SPATA13: variants seen among roughly 807,000 people sequenced by gnomAD.
SPATA13 encodes spermatogenesis-associated protein 13.
SPATA13 carries 50 observed loss-of-function variants against 104.0 expected under a neutral mutation model. The observed-to-expected ratio is 0.48, with a 90% CI of 0.38 to 0.61. SPATA13 has a LOEUF of 0.61. Among genes scored for constraint, SPATA13 ranks in the 20% least tolerant of loss-of-function variants. The pLI is 0.00. For synonymous variants in SPATA13, 606 were observed against 667.5 expected, an observed-to-expected ratio of 0.91 and a Z score of 1.42; for missense variants, 1,524 against 1,690.6, an observed-to-expected ratio of 0.90 and a Z score of 1.73.
intron 1 of SPATA13, among the ~76,000 whole-genome samples, chr13:24,208,895 G>A (rs1870860315): frequency 6.6e-6 from 1 of 152,200 alleles, no homozygotes; most frequent in Non-Finnish European, 1.5e-5. Context: ...TTATACTGAA[G>A]ATCGGATATT....
intron 5 of SPATA13, among the ~76,000 whole-genome samples, chr13:24,285,009 T>C (rs563888011): frequency 2.6e-5 from 4 of 151,194 alleles, no homozygotes; most frequent in Admixed American, 2.6e-4. Context: ...CAGCTTTAGC[T>C]TTTTTTTTAG....
At chr13:24,257,376 CT>C (rs1345577867) in intron 4 of SPATA13, among the ~76,000 whole-genome samples, 1 of 152,178 alleles carries the variant, frequency 6.6e-6, no homozygotes, top group East Asian at 1.9e-4. Flanking sequence ...GATACCTGGT[CT>C]GTTACATTTC....
chr13:24,114,470 C>A (rs751856232), intron 3 of SPATA13, among the ~76,000 whole-genome samples: 5 of 151,146 alleles, frequency 3.3e-5, no homozygotes, highest in African/African-American at 4.9e-5. Context: ...AGAGAGCTGG[C>A]CAGCACACAC....
chr13:24,120,192 G>A (rs1260120268), intron 3 of SPATA13, among the ~76,000 whole-genome samples: 6 of 151,398 alleles, frequency 4.0e-5, no homozygotes, highest in South Asian at 2.1e-4. Context: ...TTCTGTTTCC[G>A]CCTCTGAAAA....
At chr13:24,122,101 A>G in intron 3 of SPATA13, 1 of 1,611,982 alleles carries the variant, frequency 6.2e-7, no homozygotes, top group Middle Eastern at 1.7e-4. Flanking sequence ...CAAAATTGAA[A>G]GAACTTGGCA....
rs149031108 is a variant in SPATA13 at position 24,251,265 on chromosome 13, G to A, written c.2020-453G>A. On this transcript the variant is annotated intron_variant, in intron 3 of 12. Coordinates refer to ENST00000382108, the MANE Select transcript of SPATA13 (RefSeq NM_001166271.3). Reference sequence around the variant, plus strand: ...CCAGGCTCTGTGTCGGTGGGGAGGAGTAAATGAGGCTGAAGAAGGATGTGA... The same window carrying A: ...CCAGGCTCTGTGTCGGTGGGGAGGAATAAATGAGGCTGAAGAAGGATGTGA... Among the ~76,000 whole-genome samples the A allele has an allele frequency of 5.1e-3, 782 of 152,292 alleles. 7 individuals are homozygous for A. Among genetic ancestry groups the A allele is most frequent in the African/African-American group, 0.016 (680 of 41,556 alleles).
intron 3 of SPATA13, among the ~76,000 whole-genome samples, chr13:24,029,487 A>T (rs2137713228): frequency 6.6e-6 from 1 of 152,340 alleles, no homozygotes; most frequent in South Asian, 2.1e-4. Flanking sequence ...TTTGAATTTC[A>T]ATTAAACAAT....
intron 3 of SPATA13, among the ~76,000 whole-genome samples, chr13:24,083,108 A>G (rs966439757): frequency 3.9e-5 from 6 of 152,228 alleles, no homozygotes; most frequent in African/African-American, 1.2e-4. Flanking sequence ...TTCTGGATGC[A>G]AAGGTGGACA....
rs57708966 is a variant in SPATA13, at chr13:24,030,066, GCA to G, written c.-112+12388_-112+12389del. Among the ~76,000 whole-genome samples, 130 of 145,392 alleles carry G rather than the reference GCA, an allele frequency of 8.9e-4. 1 individual carries two copies. The highest frequency in any genetic ancestry group is 3.4e-3 in the Middle Eastern group (1 of 290). On this transcript the variant is annotated intron_variant, in intron 3 of 14. Coordinates refer to the SPATA13 transcript ENST00000424834. ...TCTCCTAACACACACACACACACAC[GCA>G]CACACACACACACACACACACATAC...
intron 1 of SPATA13, among the ~76,000 whole-genome samples, chr13:24,202,589 C>CCT (rs1870481649): frequency 1.6e-5 from 2 of 123,858 alleles, no homozygotes; most frequent in Non-Finnish European, 3.3e-5. Flanking sequence ...GTTCCTGTGA[C>CCT]TTTTTTTTTT....
intron 3 of SPATA13, among the ~76,000 whole-genome samples, chr13:24,071,359 G>A (rs1270149564): frequency 1.3e-5 from 2 of 152,212 alleles, no homozygotes; most frequent in Non-Finnish European, 2.9e-5. Context: ...CTGTGTTTAA[G>A]TGGAATAATA....
At chr13:24,109,811 G>A (rs1332292687) in intron 3 of SPATA13, among the ~76,000 whole-genome samples, 4 of 152,008 alleles carry the variant, frequency 2.6e-5, no homozygotes, top group South Asian at 2.1e-4. Flanking sequence ...AAATACATCT[G>A]CAATGAATAT....
chr13:23,985,929 G>A (rs1457635972), intron 2 of SPATA13, among the ~76,000 whole-genome samples: 1 of 152,108 alleles, frequency 6.6e-6, no homozygotes, highest in East Asian at 1.9e-4. Context: ...AGCCAGCCTG[G>A]GTACTAAGTA....
intron 3 of SPATA13, among the ~76,000 whole-genome samples, chr13:24,029,845 A>G (rs1030740378): frequency 1.8e-4 from 27 of 152,048 alleles, no homozygotes; most frequent in African/African-American, 6.3e-4. Context: ...CTCATCATTT[A>G]GCTCTCACTT....
intron 9 of SPATA13, among the ~76,000 whole-genome samples, chr13:24,291,761 T>TTTA (rs1222350847): frequency 6.7e-6 from 1 of 149,398 alleles, no homozygotes; most frequent in East Asian, 1.9e-4. Context: ...TTTTTATTTT[T>TTTA]TTTTTTGAGA....
intron 3 of SPATA13, among the ~76,000 whole-genome samples, chr13:24,033,122 G>T (rs989610347): frequency 6.6e-6 from 1 of 152,172 alleles, no homozygotes; most frequent in Admixed American, 6.5e-5. Flanking sequence ...TAGGTAGCAG[G>T]TGAAAGTCCC....
Position 24,286,667 on chromosome 13 carries a change from C to A in SPATA13, c.2482-98C>A. The stretch of plus-strand genomic sequence containing the variant: ...GGCGAGGGCCAGGCTGCCTTCCTAA[C>A]AGGTCACAGGAAAGTAGGAACCTGG... On this transcript the variant is annotated intron_variant, in intron 6 of 12. Coordinates refer to ENST00000382108, the MANE Select transcript of SPATA13 (RefSeq NM_001166271.3). This position sits in a 1 kb window ranked among gnomAD's most constrained non-coding sequence, Gnocchi z 4.9. 3.3e-6 allele frequency: 4 copies of A among 1,203,806 alleles called. No homozygotes were observed. Among genetic ancestry groups the A allele is most frequent in the African/African-American group, 1.5e-5 (1 of 65,554 alleles). 74.6% of individuals were successfully genotyped at this position (1,203,806 alleles called of 1,614,324 possible).
At chr13:24,220,603 G>A (rs1871526878) in intron 1 of SPATA13, among the ~76,000 whole-genome samples, 1 of 152,222 alleles carries the variant, frequency 6.6e-6, no homozygotes, top group South Asian at 2.1e-4. Flanking sequence ...GATGATTCAA[G>A]CCTCTGCTTA....
intron 3 of SPATA13, among the ~76,000 whole-genome samples, chr13:24,133,646 G>A (rs900808748): frequency 6.6e-6 from 1 of 152,186 alleles, no homozygotes; most frequent in Non-Finnish European, 1.5e-5. Context: ...GTGAGGAGGT[G>A]GAGTGCAGCA....
Sources: gnomAD v4.1 joint callset for allele counts (sites outside exome capture counted in the v4.1 genomes callset) on GRCh38, gnomAD v4.1.1 for gene constraint, Gnocchi (gnomAD v3.1) non-coding constraint, MANE v1.5 for transcripts, NCBI Gene and HGNC (gene_info 2026-07-23, HGNC 2026-07-21) for gene names.